Variants in ENAH observed in about 807,000 individuals in gnomAD.
ENAH encodes protein enabled homolog.
ENAH carries 23 observed loss-of-function variants against 78.7 expected under a neutral mutation model. The observed-to-expected ratio is 0.29, with a 90% CI of 0.21 to 0.41. ENAH has a LOEUF of 0.41. Ranked by LOEUF, ENAH falls within the 10% of genes least tolerant of loss-of-function variation. The probability of loss-of-function intolerance (pLI) is 1.00; values close to 1 mark genes in which losing one functional copy is unlikely to be tolerated. For synonymous variants in ENAH, 226 were observed against 241.0 expected, an observed-to-expected ratio of 0.94 and a Z score of 0.58; for missense variants, 544 against 691.0, an observed-to-expected ratio of 0.79 and a Z score of 2.39.
chr1:225,614,795 G>A (rs2097015097), intron 1 of ENAH, among the ~76,000 whole-genome samples: 1 of 152,194 alleles, frequency 6.6e-6, no homozygotes, highest in African/African-American at 2.4e-5. Flanking sequence ...ACCAGGAACA[G>A]AGACCAAATA....
chr1:225,570,413 T>G (rs957673424), intron 1 of ENAH, among the ~76,000 whole-genome samples: 4 of 151,732 alleles, frequency 2.6e-5, no homozygotes, highest in Non-Finnish European at 5.9e-5. Flanking sequence ...TGTTTTTCAG[T>G]ATTTTTTCCA....
chr1:225,624,017 G>A (rs146830447), intron 1 of ENAH, among the ~76,000 whole-genome samples: 1,845 of 152,240 alleles, frequency 0.012, 21 homozygotes, highest in Non-Finnish European at 0.019. Context: ...GAGAACATGC[G>A]GTTATTTGGT....
chr1:225,516,297 C>T (rs1027421166), intron 6 of ENAH, among the ~76,000 whole-genome samples: 2 of 152,138 alleles, frequency 1.3e-5, no homozygotes, highest in Non-Finnish European at 2.9e-5. Context: ...TATATGAACC[C>T]TGCCATCCTC....
intron 1 of ENAH, among the ~76,000 whole-genome samples, chr1:225,644,230 A>G (rs1449846831): frequency 2.0e-5 from 3 of 152,146 alleles, no homozygotes; most frequent in Admixed American, 1.3e-4. Context: ...AATCTGTACT[A>G]CTTTACAATG....
chr1:225,507,364 CTA>C (rs1173435535), intron 11 of ENAH, among the ~76,000 whole-genome samples: 2 of 151,792 alleles, frequency 1.3e-5, no homozygotes, highest in African/African-American at 2.4e-5. Context: ...TACATAAAAT[CTA>C]TGTCATTGGA....
intron 1 of ENAH, among the ~76,000 whole-genome samples, chr1:225,638,262 T>A (rs1002178882): frequency 3.3e-5 from 5 of 152,086 alleles, no homozygotes; most frequent in African/African-American, 1.2e-4. Context: ...GCTCAAGTGA[T>A]CCTCCTACCT....
At chr1:225,539,129 A>G (rs1340461457) in intron 3 of ENAH, among the ~76,000 whole-genome samples, 5 of 152,190 alleles carry the variant, frequency 3.3e-5, no homozygotes, top group Non-Finnish European at 7.3e-5. Flanking sequence ...GTTCAGTTAC[A>G]CAAACCAGAA....
chr1:225,501,122 G>T, intron 11 of ENAH, 52 bp from the exon 12 acceptor site: 1 of 1,410,706 alleles, frequency 7.1e-7, no homozygotes, highest in South Asian at 1.2e-5. Flanking sequence ...AATACTTAAT[G>T]AGTTCATAAA....
chr1:225,536,565 C>G (rs2096562458), intron 3 of ENAH, among the ~76,000 whole-genome samples: 1 of 151,870 alleles, frequency 6.6e-6, no homozygotes. Context: ...CACATAAAGG[C>G]AAACAAGACA....
upstream of ENAH, among the ~76,000 whole-genome samples, chr1:225,653,330 G>GCGA (rs1663415190): frequency 1.3e-5 from 2 of 151,038 alleles, no homozygotes; most frequent in Admixed American, 1.3e-4. The surrounding 1 kb of genome is among the most constrained non-coding windows in gnomAD (Gnocchi z 4.3). Flanking sequence ...GAGAGCGAGC[G>GCGA]CGACGGCGGC....
intron 1 of ENAH, among the ~76,000 whole-genome samples, chr1:225,619,692 TCAGACATCC>T (rs551491092): frequency 6.6e-6 from 1 of 152,260 alleles, no homozygotes; most frequent in South Asian, 2.1e-4. Context: ...GCCTTCAGTC[TCAGACATCC>T]CAATTTAAAA....
In ENAH at chr1:225,487,437, C is replaced by T. The variant is rs1358325492; in HGVS notation, c.*10338G>A. 6.6e-6 allele frequency: 1 copy of T among 152,194 alleles called. No individual in the cohort carries two copies. The highest frequency in any genetic ancestry group is 1.9e-4 in the East Asian group (1 of 5,202). 9.4% of individuals were successfully genotyped at this position (152,194 alleles called of 1,614,324 possible). On this transcript the variant is annotated 3_prime_UTR_variant, in exon 14 of 14. Transcript: ENST00000366843. ...CTGTTTAATTCAGATTTTCAAACAA[C>T]TTGAGTCAAGCAAGCAGGAGCTTAT...
At chr1:225,653,806 G>T (rs1186732258), upstream of ENAH, among the ~76,000 whole-genome samples, 2 of 152,246 alleles carry the variant, frequency 1.3e-5, no homozygotes, top group Admixed American at 1.3e-4. This position sits in a 1 kb window ranked among gnomAD's most constrained non-coding sequence, Gnocchi z 4.3. Context: ...CGATTCCTGC[G>T]GAGTTGAGGA....
In ENAH at chr1:225,652,722, C is replaced by T; in HGVS notation, c.-32G>A. ...GGCGGCGCAGAGGCTTCCCCACCAG[C>T]CGGGAGACGCAGAAGGCGCCGAGCC... is the stretch of plus-strand genomic sequence containing the variant. On this transcript the variant is annotated 5_prime_UTR_variant, in exon 1 of 14. Coordinates refer to ENST00000366843, the MANE Select transcript of ENAH (RefSeq NM_018212.6). 1 of 1,316,438 alleles carries T rather than the reference C, an allele frequency of 7.6e-7. No individual in the cohort carries two copies. Among genetic ancestry groups the T allele is most frequent in the Non-Finnish European group, 9.7e-7 (1 of 1,034,656 alleles). 81.5% of individuals were successfully genotyped at this position (1,316,438 alleles called of 1,614,324 possible).
At chr1:225,550,276 G>C (rs74149844) in intron 3 of ENAH, among the ~76,000 whole-genome samples, 1 of 151,948 alleles carries the variant, frequency 6.6e-6, no homozygotes, top group Non-Finnish European at 1.5e-5. Context: ...TTGGTATTCC[G>C]AAGGCCTTTC....
At position 225,530,630 on chromosome 1, in the gene ENAH, A is replaced by G; in HGVS notation, c.358T>C (p.Leu120=). 6.2e-7 allele frequency: 1 copy of G among 1,612,698 alleles called. No homozygotes were observed. The highest frequency in any genetic ancestry group is 8.5e-7 in the Non-Finnish European group (1 of 1,178,868). Residue 120 remains leucine, a synonymous_variant, in exon 4 of 14, where the codon TTG becomes CTG. Transcript: ENST00000366843. ...VLNSQETGPT[L]PRQNSQLPAQ... ...GGTAGTTGTGAGTTTTGTCTAGGCA[A>G]TGTTGGCCCTACAGAGGGAGAAAAC... is the stretch of plus-strand genomic sequence containing the variant.
At chr1:225,554,022 A>G (rs1004568770) in intron 3 of ENAH, among the ~76,000 whole-genome samples, 2 of 152,200 alleles carry the variant, frequency 1.3e-5, no homozygotes, top group African/African-American at 4.8e-5. Context: ...TAATGTATTT[A>G]TAACAGATTT....
At chr1:225,635,801 T>C (rs1032001214) in intron 1 of ENAH, among the ~76,000 whole-genome samples, 1 of 152,096 alleles carries the variant, frequency 6.6e-6, no homozygotes, top group African/African-American at 2.4e-5. Flanking sequence ...AAGACAGCCA[T>C]GTGACTGCAG....
At chr1:225,632,269 C>T (rs1010110963) in intron 1 of ENAH, among the ~76,000 whole-genome samples, 13 of 152,088 alleles carry the variant, frequency 8.5e-5, no homozygotes, top group South Asian at 2.1e-4. Context: ...GAGGCCAAAG[C>T]GGGCAGATCA....
Sources: gnomAD v4.1 joint callset for allele counts (sites outside exome capture counted in the v4.1 genomes callset) on GRCh38, gnomAD v4.1.1 for gene constraint, Gnocchi (gnomAD v3.1) non-coding constraint, MANE v1.5 for transcripts, NCBI Gene and HGNC (gene_info 2026-07-23, HGNC 2026-07-21) for gene names.